The following IL20RA variants were observed in gnomAD, a reference collection of about 807,000 sequenced individuals.
The protein encoded by IL20RA is interleukin 20 receptor subunit alpha.
Under a neutral mutation model 36.5 loss-of-function variants are expected in IL20RA, and 29 were observed. The observed-to-expected ratio is 0.79, with a 90% CI of 0.59 to 1.08. The LOEUF is 1.08. Among genes scored for constraint, IL20RA ranks in the 50% least tolerant of loss-of-function variants. IL20RA has a pLI of 0.00. For synonymous variants in IL20RA, 279 were observed against 267.1 expected, an observed-to-expected ratio of 1.04 and a Z score of -0.43; for missense variants, 652 against 668.4, an observed-to-expected ratio of 0.98 and a Z score of 0.27.
Position 137,044,723 on chromosome 6 carries a change from C to G in IL20RA, c.6G>C (p.Arg2=). The change falls in exon 1 of 7, where the codon CGG becomes CGC. Residue 2 remains arginine (R), a synonymous_variant. Coordinates refer to ENST00000316649, the MANE Select transcript of IL20RA (RefSeq NM_014432.4). The part of the protein sequence containing the change: M[R]APGRPALRPL... Reference sequence around the variant, plus strand: ...GCCGCAGGGCCGGGCGGCCGGGAGCCCGCATGGGCGGCGGGGCTGGGTCAC... The same window carrying G: ...GCCGCAGGGCCGGGCGGCCGGGAGCGCGCATGGGCGGCGGGGCTGGGTCAC... 2 of 1,219,022 alleles carry G rather than the reference C, an allele frequency of 1.6e-6. No individual in the cohort carries two copies. The highest frequency in any genetic ancestry group is 8.6e-5 in the Admixed American group (2 of 23,124). 75.5% of individuals were successfully genotyped at this position (1,219,022 alleles called of 1,614,324 possible). A position where few individuals can be genotyped will look rare whatever the true frequency, so the allele number is the denominator to read the frequency against.
At chr6:137,043,555 A>G (rs1239404997) in intron 1 of IL20RA, among the ~76,000 whole-genome samples, 1 of 152,236 alleles carries the variant, frequency 6.6e-6, no homozygotes, top group Non-Finnish European at 1.5e-5. Flanking sequence ...AAGATAAAAT[A>G]TTTTATGTAT....
intron 1 of IL20RA, among the ~76,000 whole-genome samples, chr6:137,027,675 G>A (rs1044734761): frequency 3.3e-5 from 5 of 152,164 alleles, no homozygotes; most frequent in South Asian, 2.1e-4. Flanking sequence ...AACAGTGCCC[G>A]GCACAAAGAA....
chr6:137,037,772 G>C (rs189978610), intron 1 of IL20RA, among the ~76,000 whole-genome samples: 1 of 152,290 alleles, frequency 6.6e-6, no homozygotes, highest in East Asian at 1.9e-4. Flanking sequence ...TTTCTGGGGA[G>C]GTGGTTTTCT....
intron 2 of IL20RA, among the ~76,000 whole-genome samples, chr6:137,014,028 C>G (rs1775586632): frequency 1.3e-5 from 2 of 152,306 alleles, no homozygotes; most frequent in Middle Eastern, 3.4e-3. Context: ...ACAGAGCAAG[C>G]TCTTTGCTCC....
In IL20RA at chr6:137,002,211, A is replaced by T; in HGVS notation, c.1009T>A (p.Ser337Thr). 1 of 1,614,162 alleles carries T rather than the reference A, an allele frequency of 6.2e-7. No homozygotes were observed. Among genetic ancestry groups the T allele is most frequent in the East Asian group, 2.2e-5 (1 of 44,886 alleles). The change falls in exon 7 of 7, where the codon TCC becomes ACC. Residue 337 changes from serine to threonine, a missense_variant. Transcript: ENST00000316649. ...MSLLGKSSDVSSLNDPQPSGN... is the reference protein window; with the variant it reads ...MSLLGKSSDVTSLNDPQPSGN... ...CTGGGCTGAGGATCATTAAGGCTGG[A>T]TACATCACTGCTTTTTCCCAGTAAA...
chr6:137,008,650 G>T lies in IL20RA; in HGVS notation c.673C>A (p.Pro225Thr). The T allele has an allele frequency of 6.2e-7, 1 of 1,606,860 alleles. No homozygotes were observed. Among genetic ancestry groups the T allele is most frequent in the East Asian group, 2.2e-5 (1 of 44,556 alleles). The change falls in exon 5 of 7, where the codon CCC (proline) becomes ACC (threonine). Residue 225 changes from proline (P) to threonine (T), a missense_variant. Transcript: ENST00000316649. ...CVHVESFVPG[P>T]PRRAQPSEKQ... ...TCAGAAGGCTGAGCACGGCGAGGGG[G>T]CCCTGGGACGAAGGACTCCACGTGT...
intron 1 of IL20RA, among the ~76,000 whole-genome samples, chr6:137,032,438 A>G (rs1292020973): frequency 6.6e-6 from 1 of 152,210 alleles, no homozygotes; most frequent in Non-Finnish European, 1.5e-5. Flanking sequence ...AAGCCCATTC[A>G]AGGTAAGTGA....
Position 137,011,406 on chromosome 6 carries a change from T to G in IL20RA, c.271A>C (p.Asn91His), listed in dbSNP as rs763356187. The change falls in exon 3 of 7, where the codon AAT becomes CAT. Residue 91 changes from asparagine to histidine, a missense_variant. By Grantham distance (68) the Asn-to-His change is moderately conservative (BLOSUM62 1). Transcript: ENST00000316649. ...WLNKSECRNI[N>H]RTYCDLSAET... Reference sequence around the variant, plus strand: ...GCAGAAAGATCACAGTAGGTTCTATTGATATTTCTGCATTCTGATTTATTC... The same window carrying G: ...GCAGAAAGATCACAGTAGGTTCTATGGATATTTCTGCATTCTGATTTATTC... 5 of 1,613,568 alleles carry G rather than the reference T, an allele frequency of 3.1e-6. 1 individual carries two copies. The South Asian group carries it at 5.5e-5, about 18-fold the overall frequency.
intron 1 of IL20RA, chr6:137,044,230 G>GGCCC: frequency 1.0e-6 from 1 of 989,078 alleles, no homozygotes; most frequent in South Asian, 4.7e-5. Flanking sequence ...CATCCACAGG[G>GGCCC]GCCCCTCCGC....
intron 1 of IL20RA, among the ~76,000 whole-genome samples, chr6:137,033,752 G>A (rs1310954139): frequency 1.3e-5 from 2 of 152,110 alleles, no homozygotes; most frequent in Admixed American, 6.5e-5. Flanking sequence ...TAAATTTCCC[G>A]GTCACAGGTA....
intron 1 of IL20RA, among the ~76,000 whole-genome samples, chr6:137,038,853 C>A (rs924412912): frequency 2.0e-5 from 3 of 151,840 alleles, no homozygotes; most frequent in Non-Finnish European, 4.4e-5. Context: ...TTTAAGAAAG[C>A]CATACAACTT....
chr6:137,001,981 C>A lies in IL20RA; in HGVS notation c.1239G>T (p.Gly413=). 4.3e-6 allele frequency: 7 copies of A among 1,614,182 alleles called. No homozygotes were observed. The highest frequency in any genetic ancestry group is 5.9e-6 in the Non-Finnish European group (7 of 1,180,030). ...YDVRTTDICA[G]PEEQELSLQE... is the part of the protein sequence containing the mutation. Reference sequence around the variant, plus strand: ...GCAAACTGAGCTCCTGCTCTTCAGGCCCCGCACAAATGTCAGTGGTTCTGA... The same window carrying A: ...GCAAACTGAGCTCCTGCTCTTCAGGACCCGCACAAATGTCAGTGGTTCTGA... Residue 413 remains glycine (G), a synonymous_variant, in exon 7 of 7, where the codon GGG becomes GGT. Coordinates refer to ENST00000316649, the MANE Select transcript of IL20RA (RefSeq NM_014432.4).
In IL20RA at chr6:137,001,805, T is replaced by C. The variant is rs1356845077; in HGVS notation, c.1415A>G (p.Glu472Gly). 3.7e-6 allele frequency: 6 copies of C among 1,613,444 alleles called. No individual in the cohort carries two copies. The highest frequency in any genetic ancestry group is 4.5e-5 in the East Asian group (2 of 44,866). The change falls in exon 7 of 7, where the codon GAG becomes GGG. Residue 472 changes from glutamate (E) to glycine (G), a missense_variant. Transcript: ENST00000316649. ...GACCAGGGTCGTCGATGGCTCTTCC[T>C]CCGGCCCCTCCTCCGAGTCTGTGTG... ...QEHTDSEEGP[E>G]EEPSTTLVDW...
intron 1 of IL20RA, among the ~76,000 whole-genome samples, chr6:137,020,286 G>C (rs1775849723): frequency 6.6e-6 from 1 of 152,170 alleles, no homozygotes; most frequent in East Asian, 1.9e-4. Context: ...GCCCCAGCTT[G>C]CCTCTTGACT....
intron 5 of IL20RA, among the ~76,000 whole-genome samples, chr6:137,005,249 T>C (rs1281829697): frequency 6.6e-6 from 1 of 152,176 alleles, no homozygotes; most frequent in Non-Finnish European, 1.5e-5. Flanking sequence ...TGACGCCACT[T>C]TTATATGAGT....
chr6:137,013,378 AG>A (rs1487117719), intron 2 of IL20RA, among the ~76,000 whole-genome samples: 1 of 152,244 alleles, frequency 6.6e-6, no homozygotes, highest in African/African-American at 2.4e-5. Context: ...AGAATCACTC[AG>A]CAAATATTCC....
intron 1 of IL20RA, chr6:137,042,745 T>C (rs1776745454): frequency 6.6e-6 from 1 of 152,192 alleles, no homozygotes. Context: ...CGAAAATTTT[T>C]AGAAGTTTAA....
chr6:137,001,666 T>A lies in IL20RA; in HGVS notation c.1554A>T (p.Leu518=). 6.2e-7 allele frequency: 1 copy of A among 1,614,044 alleles called. No individual in the cohort carries two copies. The highest frequency in any genetic ancestry group is 8.5e-7 in the Non-Finnish European group (1 of 1,179,968). Residue 518 remains leucine, a synonymous_variant, in exon 7 of 7, where the codon CTA becomes CTT. Coordinates refer to ENST00000316649, the MANE Select transcript of IL20RA (RefSeq NM_014432.4). ...EGDGLGEEGL[L]SRLYEEPAPD... ...GAGCCGGCTCCTCATAGAGTCTAGATAGAAGACCCTCCTCTCCGAGCCCAT... is the reference window on the plus strand; with the variant it reads ...GAGCCGGCTCCTCATAGAGTCTAGAAAGAAGACCCTCCTCTCCGAGCCCAT...
intron 1 of IL20RA, among the ~76,000 whole-genome samples, chr6:137,029,462 G>A (rs770567281): frequency 6.6e-6 from 1 of 152,152 alleles, no homozygotes; most frequent in Non-Finnish European, 1.5e-5. Flanking sequence ...AGCTGAGATC[G>A]CTCCACTGCA....
Sources: allele counts gnomAD v4.1 joint callset (sites outside exome capture counted in the v4.1 genomes callset), GRCh38; gene constraint gnomAD v4.1.1; transcripts MANE v1.5; gene names NCBI Gene and HGNC (gene_info 2026-07-23, HGNC 2026-07-21).